MYLK: variants seen among roughly 807,000 people sequenced by gnomAD.
MYLK encodes the protein myosin light chain kinase, smooth muscle.
In MYLK, 106 loss-of-function variants were observed where a neutral mutation model predicts 203.4. The ratio of observed to expected loss-of-function variants is 0.52; its 90% CI spans 0.45 to 0.61. MYLK has a LOEUF of 0.61. Among genes scored for constraint, MYLK ranks in the 20% least tolerant of loss-of-function variants. MYLK has a pLI of 0.00. For synonymous variants in MYLK, 867 were observed against 959.5 expected, an observed-to-expected ratio of 0.90 and a Z score of 1.78; for missense variants, 2,072 against 2,442.3, an observed-to-expected ratio of 0.85 and a Z score of 3.20.
intron 19 of MYLK, among the ~76,000 whole-genome samples, chr3:123,686,597 G>A (rs973796664): frequency 1.3e-5 from 2 of 152,200 alleles, no homozygotes; most frequent in Admixed American, 6.5e-5. Context: ...GTAAGGAAGA[G>A]AGATCAGGAT....
At chr3:123,744,246 T>C (rs571811512) in intron 5 of MYLK, among the ~76,000 whole-genome samples, 21 of 152,312 alleles carry the variant, frequency 1.4e-4, no homozygotes, top group African/African-American at 4.6e-4. Flanking sequence ...ATGCAACTGT[T>C]CAAGCATGAC....
chr3:123,817,871 ACCTGAGG>A (rs887351554), intron 3 of MYLK, among the ~76,000 whole-genome samples: 2 of 152,068 alleles, frequency 1.3e-5, no homozygotes, highest in Non-Finnish European at 2.9e-5. Flanking sequence ...TGTCCAACAG[ACCTGAGG>A]CCTGAGGCTC....
At position 123,612,058 on chromosome 3, in the gene MYLK, C is replaced by T. The variant is rs1368517249; in HGVS notation, c.*2047G>A. 6.6e-6 allele frequency: 1 copy of T among 152,394 alleles called. No homozygotes were observed. The highest frequency in any genetic ancestry group is 1.5e-5 in the Non-Finnish European group (1 of 68,050). The allele number at this position is 152,394 out of a possible 1,614,324, so 9.4% of individuals were successfully genotyped here. A position where few individuals can be genotyped will look rare whatever the true frequency, so the allele number is the denominator to read the frequency against. On this transcript the variant is annotated 3_prime_UTR_variant, in exon 34 of 34. Transcript: ENST00000360304. The stretch of plus-strand genomic sequence containing the variant: ...TGGGGACACCTGCTCTATAAGATAT[C>T]CTTCTAGAATGATTGATATAGTACT...
chr3:123,749,516 T>C (rs1206665638), intron 5 of MYLK, among the ~76,000 whole-genome samples: 1 of 152,176 alleles, frequency 6.6e-6, no homozygotes, highest in Admixed American at 6.5e-5. Context: ...AATAACTGCA[T>C]GGCCCTCATT....
chr3:123,645,429 C>CCA (rs2058981692), intron 27 of MYLK, among the ~76,000 whole-genome samples: 1 of 152,178 alleles, frequency 6.6e-6, no homozygotes, highest in South Asian at 2.1e-4. Flanking sequence ...CCACTCATAT[C>CCA]TACAGCTTGG....
chr3:123,733,186 T>C (rs2062548385), intron 10 of MYLK, 84 bp from the exon 11 acceptor site: 1 of 1,461,716 alleles, frequency 6.8e-7, no homozygotes, highest in Non-Finnish European at 9.4e-7. Flanking sequence ...AGGTGTGAGC[T>C]GGAGGAAAGG....
rs1372055726 is a variant in MYLK, at chr3:123,692,933, C to T, written c.3449-82G>A. The T allele has an allele frequency of 6.6e-6, 8 of 1,204,558 alleles. No homozygotes were observed. In the East Asian group the frequency reaches 1.2e-4, roughly 17 times the overall value. The allele number at this position is 1,204,558 out of a possible 1,614,324, so 74.6% of individuals were successfully genotyped here. On this transcript the variant is annotated intron_variant, in intron 18 of 33. Coordinates refer to ENST00000360304, the MANE Select transcript of MYLK (RefSeq NM_053025.4). ...TCTGGAGCGCAGCAGGTGAGTGTTA[C>T]TCGCACGGGCAGCCTCTGGGAGCCC...
intron 23 of MYLK, 93 bp downstream of exon 23, chr3:123,664,011 TG>T (rs1197000086): frequency 1.3e-6 from 2 of 1,543,612 alleles, no homozygotes; most frequent in African/African-American, 2.7e-5. Context: ...TGAGAGATAA[TG>T]GGTGATGAAG....
chr3:123,617,211 A>G (rs761885520), intron 33 of MYLK: 6 of 152,364 alleles, frequency 3.9e-5, no homozygotes, highest in South Asian at 2.1e-4. Context: ...ATAAATATCA[A>G]TGAAACAATT....
At chr3:123,859,914 C>T (rs968822371) in intron 2 of MYLK, among the ~76,000 whole-genome samples, 1 of 147,588 alleles carries the variant, frequency 6.8e-6, no homozygotes, top group East Asian at 2.0e-4. Context: ...AAAACAGATA[C>T]ATATATAAAT....
intron 3 of MYLK, chr3:123,800,292 A>G (rs779715286): frequency 4.6e-5 from 7 of 152,188 alleles, no homozygotes; most frequent in Non-Finnish European, 8.8e-5. Flanking sequence ...CACTCTCCCA[A>G]TTCCACATCT....
At chr3:123,809,513 T>C (rs1186973672) in intron 3 of MYLK, among the ~76,000 whole-genome samples, 6 of 151,620 alleles carry the variant, frequency 4.0e-5, no homozygotes, top group Non-Finnish European at 7.4e-5. Flanking sequence ...GCAACAAGAG[T>C]GAAACTTCGT....
At chr3:123,690,886 A>G (rs1337793373) in intron 19 of MYLK, among the ~76,000 whole-genome samples, 1 of 152,176 alleles carries the variant, frequency 6.6e-6, no homozygotes, top group African/African-American at 2.4e-5. Flanking sequence ...CATCAAGATT[A>G]GTGGAGAGGA....
chr3:123,752,400 C>T lies in MYLK; in HGVS notation c.304G>A (p.Gly102Arg). The part of the protein sequence containing the change: ...VIHAVHEEDR[G>R]KYTCEATNGS... ...TTGGTGGCTTCACAGGTATACTTTC[C>T]CCTGTCCTCCTCATGGACAGCATGA... Residue 102 changes from glycine (G) to arginine (R), a missense_variant, in exon 5 of 34, where the codon GGA (glycine) becomes AGA (arginine). Physicochemically the swap from Gly to Arg is moderately radical, Grantham distance 125 (BLOSUM62 -2). Transcript: ENST00000360304. The T allele has an allele frequency of 6.2e-7, 1 of 1,614,180 alleles. No individual in the cohort carries two copies. The highest frequency in any genetic ancestry group is 8.5e-7 in the Non-Finnish European group (1 of 1,180,024).
chr3:123,876,316 G>A (rs904585137), intron 2 of MYLK, among the ~76,000 whole-genome samples: 2 of 151,938 alleles, frequency 1.3e-5, no homozygotes, highest in African/African-American at 4.8e-5. Context: ...ATGTAACTCT[G>A]ATAGATTATA....
intron 4 of MYLK, among the ~76,000 whole-genome samples, chr3:123,755,701 C>T (rs1560177385): frequency 6.6e-6 from 1 of 152,116 alleles, no homozygotes; most frequent in Non-Finnish European, 1.5e-5. Context: ...CAGCCCTGCC[C>T]TCCCAGGTTG....
chr3:123,748,767 C>T (rs879574578), intron 5 of MYLK, among the ~76,000 whole-genome samples: 1 of 152,120 alleles, frequency 6.6e-6, no homozygotes, highest in African/African-American at 2.4e-5. Context: ...GAAACCCCAT[C>T]TTTAAAAAAA....
rs991139468 is a variant in MYLK, at chr3:123,612,860, T to C, written c.*1245A>G. The C allele has an allele frequency of 6.6e-6, 1 of 152,512 alleles. No homozygotes were observed. The highest frequency in any genetic ancestry group is 2.4e-5 in the African/African-American group (1 of 41,390). The allele number at this position is 152,512 out of a possible 1,614,324, so 9.4% of individuals were successfully genotyped here. A position where few individuals can be genotyped will look rare whatever the true frequency, so the allele number is the denominator to read the frequency against. On this transcript the variant is annotated 3_prime_UTR_variant, in exon 34 of 34. Coordinates refer to ENST00000360304, the MANE Select transcript of MYLK (RefSeq NM_053025.4). ...ATGTTACACACACACACAGAGGAAA[T>C]GTATTAGGTCTATCATCAATTATGG... is the stretch of plus-strand genomic sequence containing the variant.
At chr3:123,809,322 C>T (rs538768825) in intron 3 of MYLK, among the ~76,000 whole-genome samples, 9 of 152,112 alleles carry the variant, frequency 5.9e-5, no homozygotes, top group Admixed American at 2.6e-4. Context: ...GTCAGGAGTT[C>T]GAGACAAGCC....
Sources: allele counts gnomAD v4.1 joint callset (sites outside exome capture counted in the v4.1 genomes callset), GRCh38; gene constraint gnomAD v4.1.1; transcripts MANE v1.5; gene names NCBI Gene and HGNC (gene_info 2026-07-23, HGNC 2026-07-21).